Variants in PLXNA4 observed in about 807,000 individuals in gnomAD.
The protein encoded by PLXNA4 is plexin A4, also known as plexin-A4.
A neutral mutation model predicts 191.8 loss-of-function variants in PLXNA4; 44 were observed. The ratio of observed to expected loss-of-function variants is 0.23; its 90% CI spans 0.18 to 0.29. PLXNA4 has a LOEUF of 0.29. Among genes scored for constraint, PLXNA4 ranks in the 10% least tolerant of loss-of-function variants. PLXNA4 has a pLI of 1.00. For missense variants in PLXNA4, 1,800 were observed against 2,488.8 expected (o/e 0.72, Z 5.89); for synonymous variants, 1,082 against 1,009.5 (o/e 1.07, Z -1.36).
chr7:132,140,726 G>C lies in PLXNA4; in HGVS notation c.5311C>G (p.Leu1771Val). 1.2e-6 allele frequency: 2 copies of C among 1,614,126 alleles called. No homozygotes were observed. The highest frequency in any genetic ancestry group is 1.7e-6 in the Non-Finnish European group (2 of 1,180,026). Residue 1771 changes from leucine (L) to valine (V), a missense_variant, in exon 30 of 32, where the codon CTC becomes GTC. This residue lies in a region of PLXNA4 where 101 missense variants were observed against 182.8 expected (regional missense o/e 0.55). Coordinates refer to ENST00000321063, the MANE Select transcript of PLXNA4 (RefSeq NM_020911.2). ...ATGAAGGTCTGAGCCACCACAGAGAGGCAGGCGTCTGTGATGCTGTTCTTA... is the reference window on the plus strand; with the variant it reads ...ATGAAGGTCTGAGCCACCACAGAGACGCAGGCGTCTGTGATGCTGTTCTTA... The part of the protein sequence containing the change: ...IHKNSITDAC[L>V]SVVAQTFMDS...
At chr7:132,227,334 C>T (rs1178186623) in intron 7 of PLXNA4, 117 bp downstream of exon 7, 3 of 1,395,270 alleles carry the variant, frequency 2.2e-6, no homozygotes, top group South Asian at 1.4e-5. Flanking sequence ...TCCCATGCCC[C>T]TTCCTCTGAC....
chr7:132,223,741 G>A (rs749625552), intron 8 of PLXNA4, 100 bp from the exon 9 acceptor site: 32 of 885,186 alleles, frequency 3.6e-5, no homozygotes, highest in Admixed American at 8.2e-5. Context: ...TTAGTATTAA[G>A]AGAAACCACC....
At chr7:132,284,456 T>C (rs927401910) in intron 4 of PLXNA4, among the ~76,000 whole-genome samples, 2 of 152,192 alleles carry the variant, frequency 1.3e-5, no homozygotes, top group Non-Finnish European at 2.9e-5. Flanking sequence ...AGCCTGTGGA[T>C]TAAAAGGGGT....
chr7:132,487,939 G>A (rs1414288101), intron 3 of PLXNA4, among the ~76,000 whole-genome samples: 1 of 152,210 alleles, frequency 6.6e-6, no homozygotes, highest in Non-Finnish European at 1.5e-5. Context: ...AGGGAATTAT[G>A]AAATACAATT....
At chr7:132,599,874 T>C (rs1247674841) in intron 2 of PLXNA4, among the ~76,000 whole-genome samples, 3 of 152,202 alleles carry the variant, frequency 2.0e-5, no homozygotes, top group African/African-American at 7.2e-5. Context: ...CCTAATTTGC[T>C]AAGAGTTTTG....
At chr7:132,213,206 T>C (rs1033997919) in intron 9 of PLXNA4, among the ~76,000 whole-genome samples, 3 of 152,102 alleles carry the variant, frequency 2.0e-5, no homozygotes, top group Non-Finnish European at 2.9e-5. Flanking sequence ...GTCAAATTCA[T>C]AGAGACAGAA....
intron 2 of PLXNA4, among the ~76,000 whole-genome samples, chr7:132,600,183 CAACTTT>C (rs1303607159): frequency 1.3e-5 from 2 of 152,114 alleles, no homozygotes; most frequent in Admixed American, 1.3e-4. Flanking sequence ...ATACTAACTT[CAACTTT>C]TATTCCTTCT....
chr7:132,181,091 C>T (rs1355376796), intron 18 of PLXNA4, among the ~76,000 whole-genome samples: 1 of 152,174 alleles, frequency 6.6e-6, no homozygotes, highest in Non-Finnish European at 1.5e-5. Context: ...AAGGCTGCCT[C>T]AGAGGAAGCA....
intron 22 of PLXNA4, among the ~76,000 whole-genome samples, chr7:132,167,998 G>A (rs1002582449): frequency 6.6e-6 from 1 of 152,340 alleles, no homozygotes; most frequent in Non-Finnish European, 1.5e-5. Flanking sequence ...AAGATTCCAT[G>A]AGAGGAGATT....
intron 10 of PLXNA4, among the ~76,000 whole-genome samples, chr7:132,203,644 G>C (rs1255254767): frequency 6.6e-6 from 1 of 152,220 alleles, no homozygotes; most frequent in Non-Finnish European, 1.5e-5. Context: ...ACACAGGGGT[G>C]GGCCAGGCCT....
upstream of PLXNA4, chr7:132,577,275 G>C (rs1802288168): frequency 6.6e-6 from 1 of 152,054 alleles, no homozygotes; most frequent in Admixed American, 6.6e-5. Flanking sequence ...CGGAGCTCCC[G>C]GGCTGCCTGC....
intron 13 of PLXNA4, 43 bp from the exon 14 acceptor site, chr7:132,194,222 C>T: frequency 1.3e-6 from 2 of 1,584,704 alleles, no homozygotes; most frequent in African/African-American, 1.3e-5. Flanking sequence ...ACAGGACTTC[C>T]AGCCAAGACC....
chr7:132,606,380 C>T (rs1364366708), intron 2 of PLXNA4, among the ~76,000 whole-genome samples: 4 of 152,166 alleles, frequency 2.6e-5, no homozygotes. Context: ...AAATAGTAGT[C>T]ATCATCAGAA....
At chr7:132,305,378 AC>A (rs2116545840) in intron 3 of PLXNA4, among the ~76,000 whole-genome samples, 1 of 147,412 alleles carries the variant, frequency 6.8e-6, no homozygotes, top group Admixed American at 6.7e-5. Context: ...ACACACACAC[AC>A]ACACACACAC....
chr7:132,375,261 C>T (rs1804611138), intron 3 of PLXNA4, among the ~76,000 whole-genome samples: 2 of 148,946 alleles, frequency 1.3e-5, no homozygotes, highest in South Asian at 4.3e-4. Context: ...TCATCTTGGT[C>T]CTTCCCCTTA....
intron 9 of PLXNA4, among the ~76,000 whole-genome samples, chr7:132,212,374 T>A (rs942510211): frequency 4.6e-5 from 7 of 152,070 alleles, no homozygotes; most frequent in Non-Finnish European, 1.0e-4. Flanking sequence ...CCCTCCCAGG[T>A]CCCAGAGCAA....
chr7:132,342,118 C>T (rs543549766), intron 3 of PLXNA4, among the ~76,000 whole-genome samples: 3 of 151,710 alleles, frequency 2.0e-5, no homozygotes, highest in African/African-American at 7.3e-5. Flanking sequence ...AGGAGACCAC[C>T]TAAGCCAGCT....
At position 132,124,528 on chromosome 7, in the gene PLXNA4, A is replaced by G. The variant is rs1412327342; in HGVS notation, c.*5951T>C. The G allele has an allele frequency of 1.4e-4, 21 of 152,374 alleles. No homozygotes were observed. Among genetic ancestry groups the G allele is most frequent in the African/African-American group, 5.0e-4 (21 of 41,586 alleles). The allele number at this position is 152,374 out of a possible 1,614,324, so 9.4% of individuals were successfully genotyped here. A position where few individuals can be genotyped will look rare whatever the true frequency, so the allele number is the denominator to read the frequency against. On this transcript the variant is annotated 3_prime_UTR_variant, in exon 32 of 32. Coordinates refer to ENST00000321063, the MANE Select transcript of PLXNA4 (RefSeq NM_020911.2). ...CTTGAGTCAAAAGATCAAAGATACTAACAAAGGAAGTTCTAATTCCAAATA... is the reference window on the plus strand; with the variant it reads ...CTTGAGTCAAAAGATCAAAGATACTGACAAAGGAAGTTCTAATTCCAAATA...
chr7:132,320,348 C>G (rs1802114565), intron 3 of PLXNA4, among the ~76,000 whole-genome samples: 1 of 152,218 alleles, frequency 6.6e-6, no homozygotes, highest in Admixed American at 6.5e-5. Flanking sequence ...TCACTCCAAT[C>G]TCTGCCTTTG....
Sources: gnomAD v4.1 joint callset for allele counts (sites outside exome capture counted in the v4.1 genomes callset) on GRCh38, gnomAD v4.1.1 for gene constraint, gnomAD v4.1.1 regional missense constraint, MANE v1.5 for transcripts, NCBI Gene and HGNC (gene_info 2026-07-23, HGNC 2026-07-21) for gene names.